Variants in TECR observed in about 807,000 individuals in gnomAD.
TECR encodes trans-2,3-enoyl-CoA reductase.
A neutral mutation model predicts 50.6 loss-of-function variants in TECR; 19 were observed. That is an observed-to-expected ratio of 0.38 (90% CI 0.26 to 0.55). The LOEUF is 0.55. Among genes scored for constraint, TECR ranks in the 20% least tolerant of loss-of-function variants. TECR has a pLI of 0.79. For missense variants in TECR, 313 were observed against 408.3 expected (o/e 0.77, Z 2.01); for synonymous variants, 168 against 163.5 (o/e 1.03, Z -0.21).
intron 1 of TECR, among the ~76,000 whole-genome samples, chr19:14,535,599 T>C (rs1262511640): frequency 2.2e-5 from 2 of 92,164 alleles, no homozygotes; most frequent in Admixed American, 2.7e-4. Context: ...TGTATGTATA[T>C]ATAAATTAGC....
Position 14,565,954 on chromosome 19 carries a change from G to A in TECR, c.*83G>A, listed in dbSNP as rs761400491. 6.5e-7 allele frequency: 1 copy of A among 1,546,858 alleles called. No individual in the cohort carries two copies. The highest frequency in any genetic ancestry group is 1.4e-5 in the African/African-American group (1 of 73,330). ...GGGGCCCACAGCTCTCCAGCACCCG[G>A]AATAAAGCCCGCCTGCCCCAGTCGG... On this transcript the variant is annotated 3_prime_UTR_variant, in exon 13 of 13. Coordinates refer to ENST00000215567, the MANE Select transcript of TECR (RefSeq NM_138501.6).
chr19:14,552,526 T>C lies in TECR; in HGVS notation c.16-9999T>C, dbSNP rs190878067. Among the ~76,000 whole-genome samples the C allele has an allele frequency of 1.9e-3, 293 of 151,256 alleles. 2 individuals are homozygous for C. The highest frequency in any genetic ancestry group is 0.012 in the South Asian group (55 of 4,664). On this transcript the variant is annotated intron_variant, in intron 1 of 12. Transcript: ENST00000215567. ...CCACGTAACAGGCATCACAGTCTTT[T>C]TCTTTTCTTTTCTTTTCTTTTTTTT...
In TECR at chr19:14,564,196, G is replaced by C; in HGVS notation, c.398G>C (p.Cys133Ser). The C allele has an allele frequency of 6.2e-7, 1 of 1,607,832 alleles. No individual in the cohort carries two copies. Among genetic ancestry groups the C allele is most frequent in the South Asian group, 1.1e-5 (1 of 91,084 alleles). ...RHTVVHLACICHSFHYIKRLL... is the reference protein window; with the variant it reads ...RHTVVHLACISHSFHYIKRLL... ...CCCCCGACCAGCCTCGCCTGCATCTGTCACTCATTCCACTACATCAAGCGC... is the reference window on the plus strand; with the variant it reads ...CCCCCGACCAGCCTCGCCTGCATCTCTCACTCATTCCACTACATCAAGCGC... Residue 133 changes from cysteine (C) to serine (S), a missense_variant, in exon 7 of 13, where the codon TGT becomes TCT. Coordinates refer to ENST00000215567, the MANE Select transcript of TECR (RefSeq NM_138501.6).
intron 1 of TECR, among the ~76,000 whole-genome samples, chr19:14,547,563 T>C (rs1568410902): frequency 6.6e-6 from 1 of 152,126 alleles, no homozygotes; most frequent in Admixed American, 6.6e-5. Flanking sequence ...GTTTTCACCA[T>C]GTTAGCTAGG....
intron 1 of TECR, among the ~76,000 whole-genome samples, chr19:14,541,122 G>A (rs887348992): frequency 1.3e-5 from 2 of 152,056 alleles, no homozygotes; most frequent in African/African-American, 4.8e-5. Flanking sequence ...CACTGTTCCC[G>A]GCCAGTGCCT....
rs1453009714 is a variant in TECR, at chr19:14,565,979, G to A, written c.*108G>A. 1 of 1,555,116 alleles carries A rather than the reference G, an allele frequency of 6.4e-7. No individual in the cohort carries two copies. ...GAATAAAGCCCGCCTGCCCCAGTCG[G>A]ACTCGGGCTCTGTGTGTTTCTTTCC... On this transcript the variant is annotated 3_prime_UTR_variant, in exon 13 of 13. Coordinates refer to ENST00000215567, the MANE Select transcript of TECR (RefSeq NM_138501.6).
At chr19:14,530,285 C>T (rs2072582503) in intron 1 of TECR, 1 of 160,760 alleles carries the variant, frequency 6.2e-6, no homozygotes, top group Non-Finnish European at 1.4e-5. Flanking sequence ...CCTTGGGTGT[C>T]ACCAAGGAGA....
chr19:14,561,379 G>T (rs989144938), intron 1 of TECR, among the ~76,000 whole-genome samples: 1 of 152,148 alleles, frequency 6.6e-6, no homozygotes, highest in Non-Finnish European at 1.5e-5. Context: ...TGTATAATAG[G>T]ATTGCACTGA....
chr19:14,560,309 G>A (rs1050759760), intron 1 of TECR, among the ~76,000 whole-genome samples: 1 of 152,184 alleles, frequency 6.6e-6, no homozygotes, highest in African/African-American at 2.4e-5. Flanking sequence ...GAGTGGTTCA[G>A]CAGGAACTCG....
At chr19:14,553,155 G>A (rs183812037) in intron 1 of TECR, among the ~76,000 whole-genome samples, 1 of 152,224 alleles carries the variant, frequency 6.6e-6, no homozygotes, top group African/African-American at 2.4e-5. Flanking sequence ...TCGTGCGTCC[G>A]ATGACCATCT....
intron 1 of TECR, 140 bp downstream of exon 1, chr19:14,529,851 C>A (rs1438222832): frequency 6.1e-6 from 7 of 1,150,844 alleles, no homozygotes; most frequent in African/African-American, 1.5e-5. Flanking sequence ...GCAAGCGTTG[C>A]GCCCCGGGCC....
At chr19:14,544,820 A>G (rs2073246039) in intron 1 of TECR, among the ~76,000 whole-genome samples, 1 of 151,768 alleles carries the variant, frequency 6.6e-6, no homozygotes, top group Admixed American at 6.6e-5. Flanking sequence ...TTCTGTAGAG[A>G]TGGGGTCTTG....
At chr19:14,559,561 TG>T (rs2073843634) in intron 1 of TECR, among the ~76,000 whole-genome samples, 1 of 151,936 alleles carries the variant, frequency 6.6e-6, no homozygotes, top group South Asian at 2.1e-4. Context: ...GCCGAGGTGG[TG>T]GATTGCCTGA....
Position 14,563,019 on chromosome 19 carries a change from T to C in TECR, c.67-187T>C. The stretch of plus-strand genomic sequence containing the variant: ...GGGTAAAAGTGGAGCCCCAGACCCC[T>C]GCTGTCACTGCACTGGCAGGGCCCT... On this transcript the variant is annotated intron_variant, in intron 2 of 12. Transcript: ENST00000215567. The surrounding 1 kb of genome is among the most constrained non-coding windows in gnomAD (Gnocchi z 5.3). 1 of 678,646 alleles carries C rather than the reference T, an allele frequency of 1.5e-6. No individual in the cohort carries two copies. Among genetic ancestry groups the C allele is most frequent in the Admixed American group, 2.7e-5 (1 of 37,208 alleles). The allele number at this position is 678,646 out of a possible 1,614,324, so 42.0% of individuals were successfully genotyped here.
chr19:14,564,439 C>A (rs1400697482), intron 7 of TECR, 152 bp downstream of exon 7: 2 of 717,688 alleles, frequency 2.8e-6, no homozygotes, highest in Non-Finnish European at 4.8e-6. Context: ...CCCAGCCCCG[C>A]CCTCGCAGAG....
chr19:14,536,684 C>T (rs1049529101), intron 1 of TECR: 3 of 152,144 alleles, frequency 2.0e-5, no homozygotes, highest in Admixed American at 6.6e-5. Context: ...GCTGACATCT[C>T]TAAGTCACAG....
chr19:14,553,199 C>T (rs1163051453), intron 1 of TECR, among the ~76,000 whole-genome samples: 2 of 152,186 alleles, frequency 1.3e-5, no homozygotes, highest in Non-Finnish European at 2.9e-5. Context: ...TCGCTCGGGG[C>T]TCTGCTGGAT....
intron 1 of TECR, among the ~76,000 whole-genome samples, chr19:14,551,752 C>T (rs890113208): frequency 6.6e-6 from 1 of 151,988 alleles, no homozygotes; most frequent in Non-Finnish European, 1.5e-5. Context: ...GTCCTCAGGC[C>T]AGGCAGAGAG....
At chr19:14,529,242 T>C (rs2072515899), upstream of TECR, 2 of 291,616 alleles carry the variant, frequency 6.9e-6, no homozygotes, top group South Asian at 6.3e-5. Flanking sequence ...CCGCCTGTCA[T>C]GTGGATGCTG....
Sources: allele counts gnomAD v4.1 joint callset (sites outside exome capture counted in the v4.1 genomes callset), GRCh38; gene constraint gnomAD v4.1.1; non-coding constraint Gnocchi (gnomAD v3.1); transcripts MANE v1.5; gene names NCBI Gene and HGNC (gene_info 2026-07-23, HGNC 2026-07-21).